Variants in SYNE1 observed in about 807,000 individuals in gnomAD.
The protein encoded by SYNE1 is spectrin repeat containing nuclear envelope protein 1.
In SYNE1, 616 loss-of-function variants were observed where a neutral mutation model predicts 1,111.0. That is an observed-to-expected ratio of 0.55 (90% confidence interval 0.52 to 0.59). The LOEUF (loss-of-function observed/expected upper bound fraction) is 0.59. SYNE1 is among the 20% of genes least tolerant of loss of function. The pLI is 0.00. For missense variants in SYNE1, 10,006 were observed against 10,417.0 expected, an observed-to-expected ratio of 0.96 and a Z score of 1.72; for synonymous variants, 3,855 against 3,825.8, an observed-to-expected ratio of 1.01 and a Z score of -0.28.
At chr6:152,403,871 G>A (rs376412032) in intron 46 of SYNE1, among the ~76,000 whole-genome samples, 34 of 151,886 alleles carry the variant, frequency 2.2e-4, no homozygotes, top group African/African-American at 7.7e-4. Flanking sequence ...TATAATATTC[G>A]AGTTGGAAAT....
At chr6:152,565,618 T>G (rs573530731) in intron 3 of SYNE1, among the ~76,000 whole-genome samples, 1 of 152,126 alleles carries the variant, frequency 6.6e-6, no homozygotes, top group African/African-American at 2.4e-5. Context: ...TTGCTAAACT[T>G]TACTTCGCTT....
At chr6:152,587,043 T>G (rs932545224) in intron 3 of SYNE1, among the ~76,000 whole-genome samples, 12 of 152,186 alleles carry the variant, frequency 7.9e-5, no homozygotes, top group Admixed American at 7.9e-4. Flanking sequence ...AGGGTTATTT[T>G]GGGACCATTT....
chr6:152,588,708 A>G (rs2099548222), intron 3 of SYNE1, among the ~76,000 whole-genome samples: 1 of 152,184 alleles, frequency 6.6e-6, no homozygotes. Context: ...TCTGGTGAAC[A>G]TTAGAAGGGA....
chr6:152,221,655 CAT>C, intron 117 of SYNE1, 96 bp from the exon 118 acceptor site: 1 of 1,497,516 alleles, frequency 6.7e-7, no homozygotes, highest in Non-Finnish European at 9.2e-7. Context: ...TAAATATGTA[CAT>C]ATACTTGTAT....
rs2085911355 is a variant in SYNE1, at chr6:152,242,289, A to G, written c.19844T>C (p.Ile6615Thr). ...GATTTCCTCTTTGGAAGACACGATG[A>G]TTTTCTGGTCTCCTGCCATCTTCTC... ...GQEKMAGDQK[I>T]IVSSKEEIQQ... The change falls in exon 107 of 146, where the codon ATC becomes ACC. Residue 6615 changes from isoleucine to threonine, a missense_variant. This residue lies in a region of SYNE1 where 2,182 missense variants were observed against 2,287.8 expected (regional missense o/e 0.95). Coordinates refer to ENST00000367255, the MANE Select transcript of SYNE1 (RefSeq NM_182961.4). 6.2e-7 allele frequency: 1 copy of G among 1,613,850 alleles called. No individual in the cohort carries two copies. Among genetic ancestry groups the G allele is most frequent in the South Asian group, 1.1e-5 (1 of 91,074 alleles).
intron 128 of SYNE1, among the ~76,000 whole-genome samples, chr6:152,188,974 A>ATATAC (rs2071202690): frequency 3.3e-5 from 2 of 59,818 alleles, no homozygotes; most frequent in African/African-American, 1.7e-4. Flanking sequence ...AAAAAAAAAA[A>ATATAC]AAAAAAAAAA....
intron 98 of SYNE1, among the ~76,000 whole-genome samples, chr6:152,270,680 G>A (rs899797729): frequency 6.6e-6 from 1 of 152,176 alleles, no homozygotes; most frequent in African/African-American, 2.4e-5. Context: ...CACTGTTCTA[G>A]AAGCTGGGAG....
At position 152,455,948 on chromosome 6, in the gene SYNE1, A is replaced by G; in HGVS notation, c.2665T>C (p.Leu889=). 2 of 1,614,150 alleles carry G rather than the reference A, an allele frequency of 1.2e-6. No individual in the cohort carries two copies. The highest frequency in any genetic ancestry group is 1.7e-6 in the Non-Finnish European group (2 of 1,180,010). Residue 889 remains leucine (L), a synonymous_variant, in exon 23 of 146, where the codon TTA becomes CTA. Coordinates refer to ENST00000367255, the MANE Select transcript of SYNE1 (RefSeq NM_182961.4). ...VQKFVTLSNV[L]KHFDQTRLQR... ...AGCCTCGTCTGATCAAAATGCTTTA[A>G]CACGTTGCTCAAGGTCACAAACTTT...
At chr6:152,150,212 A>T (rs546499163) in intron 135 of SYNE1, among the ~76,000 whole-genome samples, 10 of 152,202 alleles carry the variant, frequency 6.6e-5, no homozygotes, top group Non-Finnish European at 1.5e-4. Flanking sequence ...GAATTCCAGG[A>T]GGATTATTTA....
At chr6:152,442,695 T>G (rs1453443409) in intron 30 of SYNE1, among the ~76,000 whole-genome samples, 1 of 152,208 alleles carries the variant, frequency 6.6e-6, no homozygotes, top group African/African-American at 2.4e-5. Flanking sequence ...CCTGTAATCC[T>G]AGCATTTTGG....
At chr6:152,151,220 T>TA (rs536179270) in intron 135 of SYNE1, among the ~76,000 whole-genome samples, 7,795 of 125,310 alleles carry the variant, frequency 0.062, 226 homozygotes, top group African/African-American at 0.092. Context: ...AGACTCTCTC[T>TA]AAAAAAAAAA....
chr6:152,284,806 C>T (rs1201090552), intron 95 of SYNE1, among the ~76,000 whole-genome samples: 1 of 151,860 alleles, frequency 6.6e-6, no homozygotes, highest in Non-Finnish European at 1.5e-5. Flanking sequence ...TCTTCCTCAA[C>T]ATGATTTTCC....
intron 128 of SYNE1, among the ~76,000 whole-genome samples, chr6:152,187,261 T>C (rs1309384681): frequency 2.0e-5 from 3 of 152,192 alleles, no homozygotes; most frequent in African/African-American, 7.2e-5. Context: ...GGCCCACGGA[T>C]TGAGAAAAAC....
intron 126 of SYNE1, among the ~76,000 whole-genome samples, chr6:152,204,427 T>C (rs1490613668): frequency 6.6e-6 from 1 of 151,750 alleles, no homozygotes; most frequent in Non-Finnish European, 1.5e-5. Flanking sequence ...TTCTTACTTT[T>C]CAGAACAAAA....
chr6:152,430,083 A>G (rs1563960214), intron 36 of SYNE1, 29 bp downstream of exon 36: 1 of 1,453,392 alleles, frequency 6.9e-7, no homozygotes, highest in Non-Finnish European at 9.6e-7. Context: ...AAGTTGGTAA[A>G]TAGTAGAAAT....
intron 61 of SYNE1, 142 bp downstream of exon 61, chr6:152,368,830 C>T (rs984668123): frequency 8.1e-6 from 8 of 988,810 alleles, no homozygotes; most frequent in South Asian, 5.2e-5. Context: ...GCTAAGGAAA[C>T]AGCACACACG....
At chr6:152,465,872 G>T in intron 17 of SYNE1, 110 bp downstream of exon 17, 1 of 802,058 alleles carries the variant, frequency 1.2e-6, no homozygotes, top group Non-Finnish European at 2.1e-6. Context: ...CCAATGGCAA[G>T]GTCACTCAAA....
At chr6:152,386,918 T>C (rs972381873) in intron 54 of SYNE1, among the ~76,000 whole-genome samples, 154 bp downstream of exon 54, 5 of 152,228 alleles carry the variant, frequency 3.3e-5, no homozygotes, top group African/African-American at 1.2e-4. Flanking sequence ...ATTTACTGAA[T>C]GTACAAATAG....
intron 40 of SYNE1, among the ~76,000 whole-genome samples, chr6:152,417,273 C>T (rs1224642380): frequency 2.0e-5 from 3 of 152,260 alleles, no homozygotes; most frequent in East Asian, 3.9e-4. Flanking sequence ...CCAAGGCGGG[C>T]AGATCACGAG....
Sources: allele counts gnomAD v4.1 joint callset (sites outside exome capture counted in the v4.1 genomes callset), GRCh38; gene constraint gnomAD v4.1.1; regional missense constraint gnomAD v4.1.1; transcripts MANE v1.5; gene names NCBI Gene and HGNC (gene_info 2026-07-23, HGNC 2026-07-21).